Variants in CTNND2 observed in about 807,000 individuals in gnomAD.
The protein encoded by CTNND2 is catenin delta-2.
CTNND2 carries 22 observed loss-of-function variants against 144.4 expected under a neutral mutation model. The ratio of observed to expected loss-of-function variants is 0.15; its 90% CI spans 0.11 to 0.22. The LOEUF (loss-of-function observed/expected upper bound fraction) is 0.22, where lower values mean the gene tolerates loss of function less well. Ranked by LOEUF, CTNND2 falls within the 10% of genes least tolerant of loss-of-function variation. The pLI, the probability that CTNND2 is intolerant of heterozygous loss-of-function variation, is 1.00. For synonymous variants in CTNND2, 751 were observed against 695.6 expected, an observed-to-expected ratio of 1.08 and a Z score of -1.25; for missense variants, 1,353 against 1,618.8, an observed-to-expected ratio of 0.84 and a Z score of 2.82.
intron 2 of CTNND2, among the ~76,000 whole-genome samples, chr5:11,702,931 T>C (rs960144567): frequency 1.3e-5 from 2 of 152,214 alleles, no homozygotes; most frequent in African/African-American, 2.4e-5. Context: ...TACCTGATCA[T>C]GTCAACTCTT....
chr5:11,222,913 C>T (rs1255316480), intron 10 of CTNND2, among the ~76,000 whole-genome samples: 1 of 152,208 alleles, frequency 6.6e-6, no homozygotes, highest in Non-Finnish European at 1.5e-5. Flanking sequence ...CTCCAGCCCC[C>T]TGGTGTGCCC....
In CTNND2 at chr5:11,623,820, A is replaced by G. The variant is rs866941986; in HGVS notation, c.175-58764T>C. On this transcript the variant is annotated intron_variant, in intron 2 of 21. Coordinates refer to ENST00000304623, the MANE Select transcript of CTNND2 (RefSeq NM_001332.4). Reference sequence around the variant, plus strand: ...TATATGTGTGTATGTATATATATATATATATATATATATATATATATATAT... The same window carrying G: ...TATATGTGTGTATGTATATATATATGTATATATATATATATATATATATAT... Among the ~76,000 whole-genome samples the G allele has an allele frequency of 4.3e-4, 45 of 105,282 alleles. 2 individuals are homozygous for G. The highest frequency in any genetic ancestry group is 1.4e-3 in the Admixed American group (16 of 11,618). 69.1% of individuals were successfully genotyped at this position (105,282 alleles called of 152,430 possible).
intron 1 of CTNND2, among the ~76,000 whole-genome samples, chr5:11,782,182 G>A (rs146214048): frequency 0.013 from 1,956 of 152,204 alleles, 34 homozygotes; most frequent in Non-Finnish European, 0.015. Flanking sequence ...GTTAGGCCTC[G>A]TTAACCATGT....
At chr5:11,755,046 T>C (rs1030809048) in intron 1 of CTNND2, among the ~76,000 whole-genome samples, 1 of 151,740 alleles carries the variant, frequency 6.6e-6, no homozygotes, top group African/African-American at 2.4e-5. Context: ...CTGATTTATG[T>C]AGTTGTGTGT....
chr5:11,056,089 T>A (rs539328066), intron 16 of CTNND2, among the ~76,000 whole-genome samples: 2 of 152,274 alleles, frequency 1.3e-5, no homozygotes, highest in Admixed American at 6.5e-5. Flanking sequence ...GGGCGGAGTG[T>A]CTCCCACCAT....
chr5:11,330,789 A>C (rs986684375), intron 9 of CTNND2, among the ~76,000 whole-genome samples: 5 of 152,004 alleles, frequency 3.3e-5, no homozygotes, highest in South Asian at 4.2e-4. Flanking sequence ...TATCAAAAAA[A>C]AAAAAAAAAA....
At chr5:11,513,121 G>C (rs577518809) in intron 3 of CTNND2, among the ~76,000 whole-genome samples, 1 of 152,172 alleles carries the variant, frequency 6.6e-6, no homozygotes, top group South Asian at 2.1e-4. Flanking sequence ...GCACCCAGGA[G>C]TGGGTACAGG....
At chr5:11,796,598 A>G (rs1791414728) in intron 1 of CTNND2, among the ~76,000 whole-genome samples, 2 of 33,708 alleles carry the variant, frequency 5.9e-5, no homozygotes, top group African/African-American at 7.0e-5. Flanking sequence ...CTTCAAGGGC[A>G]TATAACATTT....
At chr5:11,745,569 A>G (rs1407793762) in intron 1 of CTNND2, among the ~76,000 whole-genome samples, 1 of 152,204 alleles carries the variant, frequency 6.6e-6, no homozygotes, top group Non-Finnish European at 1.5e-5. Flanking sequence ...GTTGATGTCC[A>G]TACTATACAT....
At chr5:11,746,133 C>A (rs982594745) in intron 1 of CTNND2, among the ~76,000 whole-genome samples, 8 of 152,126 alleles carry the variant, frequency 5.3e-5, no homozygotes, top group Non-Finnish European at 1.0e-4. Context: ...CCTCTCCTCT[C>A]ACACCTTACA....
chr5:11,174,469 A>C (rs756972438), intron 11 of CTNND2, among the ~76,000 whole-genome samples: 5 of 152,090 alleles, frequency 3.3e-5, no homozygotes, highest in Non-Finnish European at 7.4e-5. Context: ...ATGGTTTGCT[A>C]CTCTTGAATG....
chr5:11,445,632 C>T (rs1764730664), intron 3 of CTNND2, among the ~76,000 whole-genome samples: 1 of 152,178 alleles, frequency 6.6e-6, no homozygotes, highest in Non-Finnish European at 1.5e-5. Context: ...AAGACTGCAT[C>T]CCAGTGAACC....
chr5:11,044,725 A>C (rs577177551), intron 16 of CTNND2, among the ~76,000 whole-genome samples: 1 of 152,326 alleles, frequency 6.6e-6, no homozygotes, highest in East Asian at 1.9e-4. Context: ...ATACAGATCC[A>C]GGAGCAGAGT....
chr5:11,320,663 G>A (rs531046770), intron 9 of CTNND2, among the ~76,000 whole-genome samples: 13 of 152,236 alleles, frequency 8.5e-5, no homozygotes, highest in South Asian at 2.1e-4. Flanking sequence ...GAGCTTGTGC[G>A]TAGAAACTCC....
Position 11,111,053 on chromosome 5 carries a change from A to T in CTNND2, c.2278-10T>A. 6.2e-7 allele frequency: 1 copy of T among 1,608,028 alleles called. No individual in the cohort carries two copies. Among genetic ancestry groups the T allele is most frequent in the South Asian group, 1.1e-5 (1 of 90,818 alleles). On this transcript the variant is annotated splice_polypyrimidine_tract_variant and intron_variant, in intron 13 of 21. Coordinates refer to ENST00000304623, the MANE Select transcript of CTNND2 (RefSeq NM_001332.4). ...CACAGTTTTCAACGGTCTGCAGAAA[A>T]GGGGGAAACAGAGGAAAGAATGAGT...
chr5:11,549,269 C>T (rs1216722164), intron 3 of CTNND2, among the ~76,000 whole-genome samples: 2 of 152,106 alleles, frequency 1.3e-5, no homozygotes, highest in Admixed American at 6.6e-5. Context: ...CTATATTTGG[C>T]GTCTGTAACA....
chr5:11,075,527 T>G (rs1255022727), intron 16 of CTNND2, among the ~76,000 whole-genome samples: 1 of 152,210 alleles, frequency 6.6e-6, no homozygotes, highest in Non-Finnish European at 1.5e-5. Flanking sequence ...GCCAGGCTCA[T>G]GACACGGAGG....
intron 2 of CTNND2, among the ~76,000 whole-genome samples, chr5:11,598,456 GT>G (rs1779627997): frequency 1.3e-5 from 2 of 152,054 alleles, no homozygotes; most frequent in African/African-American, 4.8e-5. Flanking sequence ...CCATGGTTTT[GT>G]CAACCATTCT....
At chr5:11,184,779 G>A (rs1191686637) in intron 11 of CTNND2, among the ~76,000 whole-genome samples, 3 of 152,170 alleles carry the variant, frequency 2.0e-5, no homozygotes, top group African/African-American at 7.2e-5. Flanking sequence ...ATCAAGTTAT[G>A]TAGAAACTTA....
Sources: allele counts gnomAD v4.1 joint callset (sites outside exome capture counted in the v4.1 genomes callset), GRCh38; gene constraint gnomAD v4.1.1; transcripts MANE v1.5; gene names NCBI Gene and HGNC (gene_info 2026-07-23, HGNC 2026-07-21).